Variants in ZC3H7B observed in about 807,000 individuals in gnomAD.
The protein encoded by ZC3H7B is zinc finger CCCH domain-containing protein 7B.
In ZC3H7B, 35 loss-of-function variants were observed where a neutral mutation model predicts 116.0. That is an observed-to-expected ratio of 0.30 (90% CI 0.23 to 0.40). ZC3H7B has a LOEUF of 0.40. Among genes scored for constraint, ZC3H7B ranks in the 10% least tolerant of loss-of-function variants. The probability of loss-of-function intolerance (pLI) is 1.00; values close to 1 mark genes in which losing one functional copy is unlikely to be tolerated. For synonymous variants in ZC3H7B, 502 were observed against 545.6 expected, an observed-to-expected ratio of 0.92 and a Z score of 1.11; for missense variants, 1,011 against 1,321.5, an observed-to-expected ratio of 0.77 and a Z score of 3.64.
Position 41,308,659 on chromosome 22 carries a change from A to G in ZC3H7B, c.-7+6887A>G, listed in dbSNP as rs185252216. On this transcript the variant is annotated intron_variant, in intron 1 of 22. Transcript: ENST00000352645. The stretch of plus-strand genomic sequence containing the variant: ...CCAAAAGGATCTTCTTGCGAAATAA[A>G]TAAGCTCCTGTCACTCTTCTGCTGA... 4.6e-5 allele frequency among the ~76,000 whole-genome samples: 7 copies of G among 152,308 alleles called. No individual in the cohort carries two copies. The East Asian group carries it at 1.3e-3, about 29-fold the overall frequency.
At chr22:41,324,828 G>A (rs573257690) in intron 2 of ZC3H7B, among the ~76,000 whole-genome samples, 9 of 152,276 alleles carry the variant, frequency 5.9e-5, no homozygotes, top group South Asian at 4.1e-4. Flanking sequence ...TTGATGGGGC[G>A]TGGTCCTTCC....
chr22:41,351,655 T>G lies in ZC3H7B; in HGVS notation c.2034+9T>G. On this transcript the variant is annotated intron_variant, in intron 17 of 22. Coordinates refer to ENST00000352645, the MANE Select transcript of ZC3H7B (RefSeq NM_017590.6). The surrounding 1 kb of genome is among the most constrained non-coding windows in gnomAD (Gnocchi z 5.1). ...AGGCCAGCAGCAGCATGGTAAGGCC[T>G]TCTGATACTATGCCATTATTCAGAT... 6.2e-7 allele frequency: 1 copy of G among 1,612,470 alleles called. No individual in the cohort carries two copies. The highest frequency in any genetic ancestry group is 8.5e-7 in the Non-Finnish European group (1 of 1,179,368).
chr22:41,324,935 T>C (rs1418268362), intron 2 of ZC3H7B, among the ~76,000 whole-genome samples: 1 of 152,170 alleles, frequency 6.6e-6, no homozygotes, highest in Non-Finnish European at 1.5e-5. Flanking sequence ...CAGCAGCCCC[T>C]GCACCATCCT....
chr22:41,320,549 T>C (rs1198693987), intron 1 of ZC3H7B, 106 bp from the exon 2 acceptor site: 1 of 1,270,116 alleles, frequency 7.9e-7, no homozygotes. Flanking sequence ...GGGAAGGGAA[T>C]GAGAGTGGGA....
chr22:41,359,255 G>A lies in ZC3H7B; in HGVS notation c.*1826G>A, dbSNP rs1042493574. 6.5e-6 allele frequency: 1 copy of A among 152,720 alleles called. No homozygotes were observed. Among genetic ancestry groups the A allele is most frequent in the Admixed American group, 6.5e-5 (1 of 15,286 alleles). 9.5% of individuals were successfully genotyped at this position (152,720 alleles called of 1,614,324 possible). A position where few individuals can be genotyped will look rare whatever the true frequency, so the allele number is the denominator to read the frequency against. ...TCCGTTGTCACCAGCCTTGTTTCTA[G>A]TGTGTATATATGTCGCCCCCGTGAT... is the stretch of plus-strand genomic sequence containing the variant. On this transcript the variant is annotated 3_prime_UTR_variant, in exon 23 of 23. Transcript: ENST00000352645.
chr22:41,354,580 A>C (rs923354123), intron 17 of ZC3H7B, among the ~76,000 whole-genome samples: 4 of 151,964 alleles, frequency 2.6e-5, no homozygotes, highest in African/African-American at 9.7e-5. Context: ...GTGACCCTGC[A>C]CTCGAGGCTC....
At chr22:41,326,644 G>A (rs762067110) in intron 4 of ZC3H7B, among the ~76,000 whole-genome samples, 28 of 152,078 alleles carry the variant, frequency 1.8e-4, no homozygotes, top group Non-Finnish European at 2.6e-4. Flanking sequence ...CCTTAGAGCT[G>A]CAGCCTCCTC....
chr22:41,314,837 T>C (rs1406073660), intron 1 of ZC3H7B, among the ~76,000 whole-genome samples: 2 of 145,516 alleles, frequency 1.4e-5, no homozygotes, highest in African/African-American at 2.5e-5. Context: ...CTCAAACTCC[T>C]GACCTCGTGA....
intron 1 of ZC3H7B, among the ~76,000 whole-genome samples, chr22:41,315,603 T>G (rs2036172903): frequency 6.6e-6 from 1 of 152,156 alleles, no homozygotes; most frequent in South Asian, 2.1e-4. Context: ...CTTTACAGTT[T>G]TGGAGACTGG....
Position 41,308,652 on chromosome 22 carries a change from G to A in ZC3H7B, c.-7+6880G>A, listed in dbSNP as rs148581385. On this transcript the variant is annotated intron_variant, in intron 1 of 22. Coordinates refer to ENST00000352645, the MANE Select transcript of ZC3H7B (RefSeq NM_017590.6). ...GCAGTAGCCAAAAGGATCTTCTTGC[G>A]AAATAAATAAGCTCCTGTCACTCTT... Among the ~76,000 whole-genome samples, 742 of 152,232 alleles carry A rather than the reference G, an allele frequency of 4.9e-3. 4 individuals carry two copies. Among genetic ancestry groups the A allele is most frequent in the Middle Eastern group, 0.02 (6 of 294 alleles).
intron 1 of ZC3H7B, among the ~76,000 whole-genome samples, chr22:41,315,360 T>C: frequency 6.7e-6 from 1 of 150,232 alleles, no homozygotes; most frequent in Non-Finnish European, 1.5e-5. Flanking sequence ...GTGTTTTTTT[T>C]TTTTTTTTTT....
Position 41,357,520 on chromosome 22 carries a change from G to A in ZC3H7B, c.*91G>A. The A allele has an allele frequency of 4.0e-6, 4 of 990,212 alleles. No homozygotes were observed. The highest frequency in any genetic ancestry group is 5.7e-6 in the Non-Finnish European group (4 of 699,710). 61.3% of individuals were successfully genotyped at this position (990,212 alleles called of 1,614,324 possible). A position where few individuals can be genotyped will look rare whatever the true frequency, so the allele number is the denominator to read the frequency against. ...AGAAGGGTCAGGGCAGGCCAGGGGG[G>A]TGGGGGGCCGCCCTCATCAGGCAGC... On this transcript the variant is annotated 3_prime_UTR_variant, in exon 23 of 23. Coordinates refer to ENST00000352645, the MANE Select transcript of ZC3H7B (RefSeq NM_017590.6). This position sits in a 1 kb window ranked among gnomAD's most constrained non-coding sequence, Gnocchi z 5.4.
chr22:41,319,402 A>T (rs2036226299), intron 1 of ZC3H7B, among the ~76,000 whole-genome samples: 1 of 151,530 alleles, frequency 6.6e-6, no homozygotes, highest in South Asian at 2.1e-4. Flanking sequence ...CTCCCTCTCA[A>T]AAAAAAACAA....
Position 41,339,185 on chromosome 22 carries a change from C to T in ZC3H7B, c.810C>T (p.Asp270=). The T allele has an allele frequency of 6.2e-7, 1 of 1,607,350 alleles. No homozygotes were observed. Residue 270 remains aspartate (D), a synonymous_variant, in exon 9 of 23, where the codon GAC becomes GAT. Coordinates refer to ENST00000352645, the MANE Select transcript of ZC3H7B (RefSeq NM_017590.6). ...GCCCAGAGCTGGACACCCTCCTGGA[C>T]TCGCTGGTGAGCCACACCACCCTCC... ...VFGPELDTLL[D]SLSLVQGGLS... is the part of the protein sequence containing the mutation.
At chr22:41,355,043 A>G (rs148064205) in intron 17 of ZC3H7B, among the ~76,000 whole-genome samples, 2,098 of 152,318 alleles carry the variant, frequency 0.014, 53 homozygotes, top group African/African-American at 0.048. Flanking sequence ...GGACAGCTGC[A>G]GCTTAGGAGA....
Position 41,302,626 on chromosome 22 carries a change from C to T in ZC3H7B, c.-7+854C>T, listed in dbSNP as rs1473834146. ...CTCAGGGCCCCCCTCCGGGTTTGCT[C>T]CCTCCTCCTTTCCCCTCCTTTCTCC... On this transcript the variant is annotated intron_variant, in intron 1 of 22. Transcript: ENST00000352645. The surrounding 1 kb of genome is among the most constrained non-coding windows in gnomAD (Gnocchi z 5.7). Among the ~76,000 whole-genome samples, 3 of 152,196 alleles carry T rather than the reference C, an allele frequency of 2.0e-5. No homozygotes were observed. The highest frequency in any genetic ancestry group is 6.5e-5 in the Admixed American group (1 of 15,282).
chr22:41,345,951 G>A, intron 13 of ZC3H7B, 52 bp from the exon 14 acceptor site: 2 of 1,595,842 alleles, frequency 1.3e-6, no homozygotes, highest in Non-Finnish European at 1.7e-6. Flanking sequence ...CGAGGGTGCT[G>A]CGGGCTGCTA....
intron 7 of ZC3H7B, among the ~76,000 whole-genome samples, chr22:41,337,868 CTTT>C (rs1350031585): frequency 4.4e-5 from 6 of 136,322 alleles, no homozygotes; most frequent in Admixed American, 7.3e-5. Context: ...CGTGTGAGGG[CTTT>C]TTTTTTTTTT....
At chr22:41,314,761 C>T (rs2036159254) in intron 1 of ZC3H7B, among the ~76,000 whole-genome samples, 1 of 151,242 alleles carries the variant, frequency 6.6e-6, no homozygotes, top group African/African-American at 2.4e-5. Flanking sequence ...AGGCGTGTGC[C>T]ACCACACCTG....
Sources: allele counts gnomAD v4.1 joint callset (sites outside exome capture counted in the v4.1 genomes callset), GRCh38; gene constraint gnomAD v4.1.1; non-coding constraint Gnocchi (gnomAD v3.1); transcripts MANE v1.5; gene names NCBI Gene and HGNC (gene_info 2026-07-23, HGNC 2026-07-21).